TMCC1: variants seen among roughly 807,000 people sequenced by gnomAD.
The protein encoded by TMCC1 is transmembrane and coiled-coil domain family 1, also known as transmembrane and coiled-coil domains protein 1.
Under a neutral mutation model 52.4 loss-of-function variants are expected in TMCC1, and 15 were observed. That is an observed-to-expected ratio of 0.29 (90% CI 0.19 to 0.44). The LOEUF (loss-of-function observed/expected upper bound fraction) is 0.44, where lower values mean the gene tolerates loss of function less well. TMCC1 is among the 20% of genes least tolerant of loss of function. TMCC1 has a pLI of 1.00. For missense variants in TMCC1, 503 were observed against 806.0 expected, an observed-to-expected ratio of 0.62 and a Z score of 4.55; for synonymous variants, 279 against 301.9, an observed-to-expected ratio of 0.92 and a Z score of 0.79.
At chr3:129,853,057 A>G (rs2059986481) in intron 2 of TMCC1, among the ~76,000 whole-genome samples, 1 of 152,204 alleles carries the variant, frequency 6.6e-6, no homozygotes. Flanking sequence ...GAAGCACTAC[A>G]ACTACTGATT....
chr3:129,782,406 G>T (rs961103089), intron 4 of TMCC1, among the ~76,000 whole-genome samples: 19 of 152,026 alleles, frequency 1.2e-4, no homozygotes, highest in African/African-American at 4.6e-4. Flanking sequence ...CACTGAGGAG[G>T]GAAAGATCAA....
At chr3:129,689,612 G>T (rs1332455255) in intron 4 of TMCC1, among the ~76,000 whole-genome samples, 1 of 152,084 alleles carries the variant, frequency 6.6e-6, no homozygotes, top group East Asian at 1.9e-4. Context: ...GTTAAGTATG[G>T]GTCTGGAAGC....
chr3:129,878,851 T>G (rs1459574152), intron 2 of TMCC1, among the ~76,000 whole-genome samples: 2 of 152,178 alleles, frequency 1.3e-5, no homozygotes, highest in Non-Finnish European at 2.9e-5. Context: ...CATTGAAGTT[T>G]GAAAAGCACT....
At chr3:129,880,947 T>G (rs1271408865) in intron 1 of TMCC1, among the ~76,000 whole-genome samples, 1 of 149,892 alleles carries the variant, frequency 6.7e-6, no homozygotes, top group African/African-American at 2.5e-5. Flanking sequence ...CACTGCAACC[T>G]CCACCTCCCA....
intron 4 of TMCC1, among the ~76,000 whole-genome samples, chr3:129,746,975 T>G (rs2052035761): frequency 6.6e-6 from 1 of 152,222 alleles, no homozygotes; most frequent in African/African-American, 2.4e-5. Flanking sequence ...GGATAATAAT[T>G]ACTTTGTATC....
intron 4 of TMCC1, among the ~76,000 whole-genome samples, chr3:129,823,414 A>G (rs1055511174): frequency 1.3e-5 from 2 of 152,202 alleles, no homozygotes; most frequent in Admixed American, 6.5e-5. Context: ...ACAAAGTGAG[A>G]GACACCTATT....
At chr3:129,779,423 T>G (rs974788263) in intron 4 of TMCC1, among the ~76,000 whole-genome samples, 1 of 152,216 alleles carries the variant, frequency 6.6e-6, no homozygotes. Context: ...TCTCATCATC[T>G]GTATTTACTA....
chr3:129,735,036 G>C (rs2050837841), intron 4 of TMCC1, among the ~76,000 whole-genome samples: 1 of 151,832 alleles, frequency 6.6e-6, no homozygotes, highest in Admixed American at 6.6e-5. Flanking sequence ...CAAGCAGCTG[G>C]GACTACAGGC....
intron 4 of TMCC1, among the ~76,000 whole-genome samples, chr3:129,709,416 T>C (rs2048479650): frequency 7.5e-6 from 1 of 133,146 alleles, no homozygotes; most frequent in African/African-American, 2.9e-5. Flanking sequence ...GCCCAGGCTG[T>C]GGTGAGCTGA....
At chr3:129,856,494 T>A (rs1339245199) in intron 2 of TMCC1, among the ~76,000 whole-genome samples, 1 of 152,230 alleles carries the variant, frequency 6.6e-6, no homozygotes, top group East Asian at 1.9e-4. Flanking sequence ...GATCTACAAT[T>A]CAGGTTTTCT....
chr3:129,790,587 A>G (rs2056383617), intron 4 of TMCC1, among the ~76,000 whole-genome samples: 1 of 152,174 alleles, frequency 6.6e-6, no homozygotes, highest in African/African-American at 2.4e-5. Context: ...GAAAAAACTG[A>G]TTTTCTGCTA....
intron 2 of TMCC1, among the ~76,000 whole-genome samples, chr3:129,855,466 T>TA (rs1250118381): frequency 1.3e-5 from 2 of 151,432 alleles, no homozygotes; most frequent in East Asian, 3.9e-4. Context: ...TTAAAGAAGT[T>TA]AAAGTCTCTA....
intron 4 of TMCC1, among the ~76,000 whole-genome samples, chr3:129,724,691 A>C (rs2049935517): frequency 6.6e-6 from 1 of 152,218 alleles, no homozygotes; most frequent in Non-Finnish European, 1.5e-5. Flanking sequence ...CTAAAAAAGG[A>C]GCCAGAACAT....
intron 4 of TMCC1, among the ~76,000 whole-genome samples, chr3:129,728,826 G>A (rs2050314107): frequency 6.6e-6 from 1 of 152,086 alleles, no homozygotes; most frequent in African/African-American, 2.4e-5. Context: ...GAATCATACA[G>A]TATATAACTT....
rs894199971 is a variant in TMCC1 at position 129,875,546 on chromosome 3, C to T, written c.-184+4763G>A. Among the ~76,000 whole-genome samples, 6 of 146,564 alleles carry T rather than the reference C, an allele frequency of 4.1e-5. No homozygotes were observed. The Admixed American group carries it at 4.1e-4, about 10-fold the overall frequency. ...ACAAACACACCCAAAAAAGATTACT[C>T]ATACCAGTGTGAGACCACTAACAAG... On this transcript the variant is annotated intron_variant, in intron 2 of 6. Transcript: ENST00000393238.
At chr3:129,844,457 T>C (rs1231362055) in intron 2 of TMCC1, among the ~76,000 whole-genome samples, 1 of 152,196 alleles carries the variant, frequency 6.6e-6, no homozygotes, top group South Asian at 2.1e-4. Context: ...AAATCCTAGG[T>C]ATATGATACA....
intron 2 of TMCC1, among the ~76,000 whole-genome samples, chr3:129,872,523 T>G (rs1182469936): frequency 1.3e-5 from 2 of 152,238 alleles, no homozygotes; most frequent in Non-Finnish European, 2.9e-5. Context: ...AAGCACTGTT[T>G]AGGAGACTTC....
intron 2 of TMCC1, among the ~76,000 whole-genome samples, chr3:129,848,884 G>A (rs1200121296): frequency 7.0e-6 from 1 of 142,298 alleles, no homozygotes; most frequent in African/African-American, 2.6e-5. Flanking sequence ...GAAACATTCT[G>A]CTACTATGGC....
At chr3:129,804,368 TATATC>T (rs2057349425) in intron 4 of TMCC1, among the ~76,000 whole-genome samples, 2 of 152,200 alleles carry the variant, frequency 1.3e-5, no homozygotes, top group African/African-American at 2.4e-5. Flanking sequence ...CCCTGCAAAT[TATATC>T]ATATGTTCTT....
Sources: allele counts gnomAD v4.1 joint callset (sites outside exome capture counted in the v4.1 genomes callset), GRCh38; gene constraint gnomAD v4.1.1; transcripts MANE v1.5; gene names NCBI Gene and HGNC (gene_info 2026-07-23, HGNC 2026-07-21).